STK32A: variants seen among roughly 807,000 people sequenced by gnomAD.
STK32A encodes serine/threonine kinase 32A.
A neutral mutation model predicts 53.2 loss-of-function variants in STK32A; 41 were observed. That is an observed-to-expected ratio of 0.77 (90% CI 0.60 to 1.00). The LOEUF is 1.00. Among genes scored for constraint, STK32A ranks in the 50% least tolerant of loss-of-function variants. STK32A has a pLI of 0.00. For missense variants in STK32A, 458 were observed against 485.8 expected, an observed-to-expected ratio of 0.94 and a Z score of 0.54; for synonymous variants, 166 against 162.8, an observed-to-expected ratio of 1.02 and a Z score of -0.15.
At chr5:147,369,306 T>C (rs1448108357) in intron 8 of STK32A, among the ~76,000 whole-genome samples, 1 of 152,176 alleles carries the variant, frequency 6.6e-6, no homozygotes, top group Non-Finnish European at 1.5e-5. Flanking sequence ...TGACATTGAC[T>C]TGCCATGTGT....
intron 6 of STK32A, among the ~76,000 whole-genome samples, chr5:147,348,418 C>A (rs1755792195): frequency 6.6e-6 from 1 of 152,186 alleles, no homozygotes; most frequent in Non-Finnish European, 1.5e-5. Flanking sequence ...TGGCGCCCAA[C>A]CCACAGAGTT....
At chr5:147,283,783 G>T (rs574697667) in intron 4 of STK32A, among the ~76,000 whole-genome samples, 1 of 151,978 alleles carries the variant, frequency 6.6e-6, no homozygotes, top group Non-Finnish European at 1.5e-5. Context: ...AGCAAGCAGC[G>T]AGATTGAAAC....
chr5:147,366,854 G>T, intron 8 of STK32A, among the ~76,000 whole-genome samples: 1 of 142,146 alleles, frequency 7.0e-6, no homozygotes, highest in Non-Finnish European at 1.5e-5. Flanking sequence ...AAAAATAGAA[G>T]TATGTTTTAC....
the STK32A span, among the ~76,000 whole-genome samples, chr5:147,395,981 T>C: frequency 6.6e-6 from 1 of 151,876 alleles, no homozygotes; most frequent in South Asian, 2.1e-4. Flanking sequence ...TGCTATGGGG[T>C]TGGGGTTGCC....
chr5:147,314,993 C>T (rs1484204480), intron 4 of STK32A, among the ~76,000 whole-genome samples: 2 of 152,042 alleles, frequency 1.3e-5, no homozygotes, highest in African/African-American at 4.8e-5. Context: ...AATCTTTCTG[C>T]CTCAGCCCCC....
At chr5:147,317,278 G>GA (rs746851393) in intron 4 of STK32A, among the ~76,000 whole-genome samples, 11 of 147,470 alleles carry the variant, frequency 7.5e-5, no homozygotes, top group Non-Finnish European at 1.6e-4. Flanking sequence ...TCCAGACTGT[G>GA]AAAATACTAC....
chr5:147,355,810 A>G (rs1167574114), intron 7 of STK32A, among the ~76,000 whole-genome samples: 1 of 151,470 alleles, frequency 6.6e-6, no homozygotes, highest in Non-Finnish European at 1.5e-5. Context: ...ATATATATAT[A>G]TAAATAAGTT....
chr5:147,273,716 T>C (rs2151952508), intron 2 of STK32A, among the ~76,000 whole-genome samples: 1 of 152,364 alleles, frequency 6.6e-6, no homozygotes, highest in South Asian at 2.1e-4. Context: ...GTTGGACTTT[T>C]TGAAAAACTT....
intron 6 of STK32A, among the ~76,000 whole-genome samples, chr5:147,343,916 G>A (rs1169470552): frequency 6.6e-6 from 1 of 152,198 alleles, no homozygotes; most frequent in African/African-American, 2.4e-5. Flanking sequence ...AGTGAATGCT[G>A]AATTTCAAGA....
intron 4 of STK32A, among the ~76,000 whole-genome samples, chr5:147,322,414 G>A (rs558814560): frequency 2.0e-5 from 3 of 152,136 alleles, no homozygotes; most frequent in East Asian, 3.9e-4. Flanking sequence ...TTAATGCTTC[G>A]TTGAATTTCT....
intron 2 of STK32A, among the ~76,000 whole-genome samples, chr5:147,245,679 C>T (rs1430082619): frequency 6.6e-6 from 1 of 152,168 alleles, no homozygotes; most frequent in Non-Finnish European, 1.5e-5. Flanking sequence ...CAAGAGACAG[C>T]CTTCTTCTAG....
At chr5:147,267,316 G>T (rs761544321) in intron 2 of STK32A, among the ~76,000 whole-genome samples, 1 of 152,056 alleles carries the variant, frequency 6.6e-6, no homozygotes, top group Non-Finnish European at 1.5e-5. Context: ...AAACCCAAAA[G>T]CAGAGTTTCA....
At chr5:147,239,326 C>T (rs958521376) in intron 1 of STK32A, among the ~76,000 whole-genome samples, 1 of 152,052 alleles carries the variant, frequency 6.6e-6, no homozygotes, top group African/African-American at 2.4e-5. Context: ...TGTTGCTTTC[C>T]TCCCATTTTG....
intron 2 of STK32A, 153 bp downstream of exon 2, chr5:147,239,839 T>C: frequency 1.6e-6 from 1 of 615,080 alleles, no homozygotes; most frequent in South Asian, 2.1e-5. Flanking sequence ...CTTTGTAGGC[T>C]CATAGCTAGG....
rs532073688 is a variant in STK32A, at chr5:147,369,964, G to A, written c.661-690G>A. ...AAAGGCTGTCCTCTAGTGTAAAGCTGTGAAAACTACAGCTAATCCACAGTT... is the reference window on the plus strand; with the variant it reads ...AAAGGCTGTCCTCTAGTGTAAAGCTATGAAAACTACAGCTAATCCACAGTT... On this transcript the variant is annotated intron_variant, in intron 8 of 12. Transcript: ENST00000397936. 7.9e-5 allele frequency among the ~76,000 whole-genome samples: 12 copies of A among 152,248 alleles called. 1 individual carries two copies. The highest frequency in any genetic ancestry group is 3.4e-3 in the Middle Eastern group (1 of 294).
At chr5:147,324,201 T>A in intron 5 of STK32A, 130 bp downstream of exon 5, 1 of 969,626 alleles carries the variant, frequency 1.0e-6, no homozygotes, top group Non-Finnish European at 1.5e-6. Context: ...TACCCTGAGG[T>A]AGGTTGATTG....
At chr5:147,358,834 A>C (rs1176133863) in intron 7 of STK32A, among the ~76,000 whole-genome samples, 1 of 152,152 alleles carries the variant, frequency 6.6e-6, no homozygotes, top group Non-Finnish European at 1.5e-5. Context: ...GGAGCTATAT[A>C]AGATAGGCAA....
intron 2 of STK32A, among the ~76,000 whole-genome samples, chr5:147,262,029 C>T (rs1225284588): frequency 1.3e-5 from 2 of 152,044 alleles, no homozygotes; most frequent in Non-Finnish European, 1.5e-5. Context: ...TGAGAGTGAC[C>T]GATGCTGTAC....
the STK32A span, chr5:147,395,581 A>C: frequency 6.2e-7 from 1 of 1,613,516 alleles, no homozygotes; most frequent in Non-Finnish European, 8.5e-7. Flanking sequence ...ATCCCGACTG[A>C]TGAAGATTCC....
Sources: gnomAD v4.1 joint callset for allele counts (sites outside exome capture counted in the v4.1 genomes callset) on GRCh38, gnomAD v4.1.1 for gene constraint, MANE v1.5 for transcripts, NCBI Gene and HGNC (gene_info 2026-07-23, HGNC 2026-07-21) for gene names.